CHSY3: variants seen among roughly 807,000 people sequenced by gnomAD.
CHSY3 encodes the protein N-acetylgalactosaminyl-proteoglycan 3-beta-glucuronosyltransferase 3.
CHSY3 carries 35 observed loss-of-function variants against 67.2 expected under a neutral mutation model. The observed-to-expected ratio is 0.52, with a 90% CI of 0.40 to 0.69. The LOEUF (loss-of-function observed/expected upper bound fraction) is 0.69, where lower values mean the gene tolerates loss of function less well. CHSY3 is among the 30% of genes least tolerant of loss of function. The pLI, the probability that CHSY3 is intolerant of heterozygous loss-of-function variation, is 0.00. For missense variants in CHSY3, 1,069 were observed against 1,138.5 expected, an observed-to-expected ratio of 0.94 and a Z score of 0.88; for synonymous variants, 474 against 434.7, an observed-to-expected ratio of 1.09 and a Z score of -1.12.
chr5:130,082,586 T>G (rs547089541), intron 2 of CHSY3, among the ~76,000 whole-genome samples: 1 of 152,178 alleles, frequency 6.6e-6, no homozygotes, highest in South Asian at 2.1e-4. Context: ...ATCTCTGGAT[T>G]AATCTGGCCA....
At chr5:130,122,773 G>C (rs964496225) in intron 2 of CHSY3, among the ~76,000 whole-genome samples, 4 of 152,198 alleles carry the variant, frequency 2.6e-5, no homozygotes, top group Non-Finnish European at 5.9e-5. Context: ...CCAGGAATAA[G>C]CTTGTTAAAG....
At chr5:129,997,609 C>G (rs889622684) in intron 2 of CHSY3, among the ~76,000 whole-genome samples, 1 of 152,052 alleles carries the variant, frequency 6.6e-6, no homozygotes, top group African/African-American at 2.4e-5. Context: ...CTGCACCCAT[C>G]AACTCATTAT....
chr5:130,141,698 G>T lies in CHSY3; in HGVS notation c.1087-42531G>T. On this transcript the variant is annotated intron_variant, in intron 2 of 2. Coordinates refer to ENST00000305031, the MANE Select transcript of CHSY3 (RefSeq NM_175856.5). ...GCTGTTGAAGATGAGAAACTTCAAG[G>T]CAAGATTAACGTTGAGGACAAACAG... The T allele has an allele frequency of 5.7e-6, 3 of 525,542 alleles. No homozygotes were observed. In the Admixed American group the frequency reaches 6.0e-5, roughly 10 times the overall value. The allele number at this position is 525,542 out of a possible 1,614,324, so 32.6% of individuals were successfully genotyped here.
intron 2 of CHSY3, among the ~76,000 whole-genome samples, chr5:130,013,834 T>A (rs10075202): frequency 0.53 from 80,757 of 152,102 alleles, 21,860 homozygotes; most frequent in East Asian, 0.61. Flanking sequence ...CTTATGCAAA[T>A]TTCTGCAGCC....
intron 2 of CHSY3, among the ~76,000 whole-genome samples, chr5:130,163,892 A>G (rs1239871843): frequency 1.4e-4 from 22 of 152,218 alleles, no homozygotes; most frequent in Admixed American, 1.4e-3. Context: ...TTGACAGAGG[A>G]TGCATCTATA....
chr5:130,021,069 T>C (rs1764376284), intron 2 of CHSY3, among the ~76,000 whole-genome samples: 1 of 152,202 alleles, frequency 6.6e-6, no homozygotes, highest in Non-Finnish European at 1.5e-5. Context: ...AAATTGGAGA[T>C]GGGACCTCTG....
chr5:130,122,737 A>T (rs1768085279), intron 2 of CHSY3, among the ~76,000 whole-genome samples: 1 of 152,236 alleles, frequency 6.6e-6, no homozygotes, highest in South Asian at 2.1e-4. Context: ...ATATTTAACA[A>T]TTAAAAAAGA....
Position 130,184,885 on chromosome 5 carries a change from C to A in CHSY3, c.1743C>A (p.Asn581Lys), listed in dbSNP as rs1221998963. The A allele has an allele frequency of 6.4e-7, 1 of 1,568,364 alleles. No homozygotes were observed. The highest frequency in any genetic ancestry group is 8.8e-7 in the Non-Finnish European group (1 of 1,138,400). ...GAGAGACCGAAGAGCTAGATGTCAACAGTCTTGTGGAGAGTATTAACAGTG... is the reference window on the plus strand; with the variant it reads ...GAGAGACCGAAGAGCTAGATGTCAAAAGTCTTGTGGAGAGTATTAACAGTG... ...FFRETEELDV[N>K]SLVESINSET... Residue 581 changes from asparagine to lysine, a missense_variant, in exon 3 of 3, where the codon AAC becomes AAA. Physicochemically the swap from Asn to Lys is moderately conservative, Grantham distance 94 (BLOSUM62 0). Around this residue, in one of 5 missense-constraint regions of CHSY3, gnomAD observed 401 missense variants for 395.2 expected, o/e 1.01. Coordinates refer to ENST00000305031, the MANE Select transcript of CHSY3 (RefSeq NM_175856.5).
chr5:129,943,254 T>C (rs1423832455), intron 2 of CHSY3, among the ~76,000 whole-genome samples: 2 of 152,176 alleles, frequency 1.3e-5, no homozygotes, highest in Non-Finnish European at 2.9e-5. Context: ...CAATGCATAC[T>C]GTGAGAAAGG....
At chr5:129,997,558 G>T (rs981154195) in intron 2 of CHSY3, among the ~76,000 whole-genome samples, 2 of 151,810 alleles carry the variant, frequency 1.3e-5, no homozygotes, top group Non-Finnish European at 2.9e-5. Flanking sequence ...TGCACAATGC[G>T]CAGGTTTGTT....
chr5:129,913,831 C>T (rs1343953229), intron 2 of CHSY3, among the ~76,000 whole-genome samples: 1 of 152,054 alleles, frequency 6.6e-6, no homozygotes, highest in African/African-American at 2.4e-5. Flanking sequence ...ATAAGACTAA[C>T]TAGATTTTCA....
At chr5:130,074,854 A>G (rs1766200257) in intron 2 of CHSY3, among the ~76,000 whole-genome samples, 1 of 152,218 alleles carries the variant, frequency 6.6e-6, no homozygotes, top group Non-Finnish European at 1.5e-5. Flanking sequence ...TTGAGAGTAA[A>G]CAGTTGGAGT....
At chr5:130,175,227 G>A (rs1770009341) in intron 2 of CHSY3, among the ~76,000 whole-genome samples, 1 of 152,136 alleles carries the variant, frequency 6.6e-6, no homozygotes, top group Admixed American at 6.5e-5. Context: ...CAATCAGAGA[G>A]CCAAATCATC....
intron 2 of CHSY3, among the ~76,000 whole-genome samples, chr5:130,071,431 A>T (rs1465759347): frequency 6.6e-6 from 1 of 152,016 alleles, no homozygotes; most frequent in Admixed American, 6.6e-5. Context: ...GTTTAAATAA[A>T]TGAGTGAAAA....
chr5:130,158,791 T>A (rs570812511), intron 2 of CHSY3, among the ~76,000 whole-genome samples: 1 of 152,172 alleles, frequency 6.6e-6, no homozygotes, highest in South Asian at 2.1e-4. Context: ...CCATTTTTTT[T>A]ATTTGTTTGT....
At chr5:129,957,519 A>G (rs1219184887) in intron 2 of CHSY3, among the ~76,000 whole-genome samples, 1 of 152,152 alleles carries the variant, frequency 6.6e-6, no homozygotes, top group Non-Finnish European at 1.5e-5. Context: ...GATAAACTGA[A>G]TGAATGCCTG....
At chr5:130,001,193 A>T (rs1486007552) in intron 2 of CHSY3, among the ~76,000 whole-genome samples, 3 of 151,920 alleles carry the variant, frequency 2.0e-5, no homozygotes, top group Non-Finnish European at 2.9e-5. Context: ...CTTCTTTTTT[A>T]TGTGCCTACT....
intron 2 of CHSY3, among the ~76,000 whole-genome samples, chr5:129,988,407 A>G (rs1001357735): frequency 6.6e-6 from 1 of 152,218 alleles, no homozygotes; most frequent in Non-Finnish European, 1.5e-5. Context: ...AAACACTGGT[A>G]AAGAATCAGA....
At chr5:129,944,884 A>G (rs1561466587) in intron 2 of CHSY3, among the ~76,000 whole-genome samples, 1 of 152,190 alleles carries the variant, frequency 6.6e-6, no homozygotes, top group Non-Finnish European at 1.5e-5. Flanking sequence ...TTCACAACGT[A>G]TGTGTTAGTA....
Sources: allele counts gnomAD v4.1 joint callset (sites outside exome capture counted in the v4.1 genomes callset), GRCh38; gene constraint gnomAD v4.1.1; regional missense constraint gnomAD v4.1.1; transcripts MANE v1.5; gene names NCBI Gene and HGNC (gene_info 2026-07-23, HGNC 2026-07-21).